The following GABRB1 variants were observed in gnomAD, a reference collection of about 807,000 sequenced individuals.
GABRB1 encodes the protein gamma-aminobutyric acid type A receptor subunit beta1, also known as gamma-aminobutyric acid receptor subunit beta-1.
Under a neutral mutation model 51.6 loss-of-function variants are expected in GABRB1, and 17 were observed. The ratio of observed to expected loss-of-function variants is 0.33; its 90% CI spans 0.23 to 0.49. The LOEUF (loss-of-function observed/expected upper bound fraction) is 0.49, where lower values mean the gene tolerates loss of function less well. Among genes scored for constraint, GABRB1 ranks in the 20% least tolerant of loss-of-function variants. GABRB1 has a pLI of 0.99. For synonymous variants in GABRB1, 247 were observed against 218.9 expected (o/e 1.13, Z -1.14); for missense variants, 410 against 600.6 (o/e 0.68, Z 3.32).
At chr4:47,127,957 A>C (rs989897910) in intron 3 of GABRB1, among the ~76,000 whole-genome samples, 10 of 151,402 alleles carry the variant, frequency 6.6e-5, no homozygotes, top group Non-Finnish European at 1.3e-4. Context: ...AAAAATAAAC[A>C]AAAAAAGAGA....
chr4:47,189,663 C>G (rs115579477), intron 4 of GABRB1, among the ~76,000 whole-genome samples: 1 of 151,840 alleles, frequency 6.6e-6, no homozygotes, highest in Admixed American at 6.6e-5. Context: ...CATTCCTAAA[C>G]AGAGGTTTTG....
At chr4:47,305,157 T>C (rs529003124) in intron 4 of GABRB1, among the ~76,000 whole-genome samples, 31 of 152,220 alleles carry the variant, frequency 2.0e-4, no homozygotes, top group South Asian at 4.1e-4. Context: ...ACCAGTGTTT[T>C]AGCCGCCTCT....
chr4:47,196,392 G>A (rs1719680292), intron 4 of GABRB1, among the ~76,000 whole-genome samples: 1 of 152,164 alleles, frequency 6.6e-6, no homozygotes, highest in South Asian at 2.1e-4. Context: ...GTTACTAGGG[G>A]CACCAGGGAG....
intron 4 of GABRB1, among the ~76,000 whole-genome samples, chr4:47,311,477 C>T (rs1237399410): frequency 9.6e-6 from 1 of 104,432 alleles, no homozygotes; most frequent in Non-Finnish European, 1.9e-5. Context: ...CCAATGTAAT[C>T]ACAAGGGTTC....
chr4:47,399,226 G>C (rs1044383888), intron 5 of GABRB1, among the ~76,000 whole-genome samples: 2 of 152,040 alleles, frequency 1.3e-5, no homozygotes, highest in Middle Eastern at 3.2e-3. Context: ...TTATAATGAA[G>C]TATATTACTA....
intron 3 of GABRB1, among the ~76,000 whole-genome samples, chr4:47,120,561 C>G (rs746928481): frequency 6.6e-6 from 1 of 152,142 alleles, no homozygotes; most frequent in Admixed American, 6.5e-5. Context: ...TCATAATCAC[C>G]ACAGCTGTGA....
intron 3 of GABRB1, among the ~76,000 whole-genome samples, chr4:47,076,315 G>T (rs1309869724): frequency 1.3e-5 from 2 of 152,198 alleles, no homozygotes; most frequent in Non-Finnish European, 2.9e-5. Flanking sequence ...GGTTCCCACT[G>T]CTTTGTCTCA....
intron 8 of GABRB1, among the ~76,000 whole-genome samples, chr4:47,413,644 G>A (rs114115234): frequency 0.011 from 1,655 of 152,206 alleles, 36 homozygotes; most frequent in African/African-American, 0.038. Flanking sequence ...TTCATTTGAG[G>A]GATTTCCTCA....
chr4:47,001,185 C>T (rs1315559274), intron 1 of GABRB1, among the ~76,000 whole-genome samples: 1 of 152,022 alleles, frequency 6.6e-6, no homozygotes, highest in African/African-American at 2.4e-5. Flanking sequence ...CTCTGTCGCC[C>T]AGGCTGGAGT....
intron 8 of GABRB1, among the ~76,000 whole-genome samples, chr4:47,416,892 A>C (rs1325535724): frequency 6.6e-6 from 1 of 152,204 alleles, no homozygotes; most frequent in Non-Finnish European, 1.5e-5. Context: ...CTTAAGATGC[A>C]AGAGGTGATG....
upstream of GABRB1, among the ~76,000 whole-genome samples, chr4:47,028,268 C>T (rs1482774089): frequency 6.6e-6 from 1 of 151,512 alleles, no homozygotes; most frequent in African/African-American, 2.4e-5. Flanking sequence ...GTGAAATAAG[C>T]ACATCATAAA....
At chr4:47,269,621 T>C (rs1387099311) in intron 4 of GABRB1, among the ~76,000 whole-genome samples, 1 of 152,092 alleles carries the variant, frequency 6.6e-6, no homozygotes, top group Non-Finnish European at 1.5e-5. Flanking sequence ...TCCTTTTCTC[T>C]TATATTCTTT....
chr4:47,187,300 A>C (rs1056775081), intron 4 of GABRB1, among the ~76,000 whole-genome samples: 1 of 151,900 alleles, frequency 6.6e-6, no homozygotes, highest in African/African-American at 2.4e-5. Flanking sequence ...CCACATTGGA[A>C]ATAGATGCAT....
chr4:47,229,963 G>C (rs914987284), intron 4 of GABRB1, among the ~76,000 whole-genome samples: 2 of 152,094 alleles, frequency 1.3e-5, no homozygotes, highest in African/African-American at 4.8e-5. Context: ...CAGATTTGTG[G>C]TAATTTGTTG....
At chr4:47,400,570 C>A (rs930986937) in intron 5 of GABRB1, among the ~76,000 whole-genome samples, 1 of 135,800 alleles carries the variant, frequency 7.4e-6, no homozygotes, top group African/African-American at 2.7e-5. Flanking sequence ...CCCAACCTGC[C>A]TTTTCTTCTC....
intron 4 of GABRB1, among the ~76,000 whole-genome samples, chr4:47,301,983 A>G (rs1454649085): frequency 6.6e-6 from 1 of 152,152 alleles, no homozygotes; most frequent in African/African-American, 2.4e-5. Context: ...AAAATCTTTC[A>G]CAATTTTTTT....
rs1034759947 is a variant in GABRB1 at position 47,198,373 on chromosome 4, G to A, written c.461+36904G>A. Reference sequence around the variant, plus strand: ...GCTTTGTAAATGGATAATGAATAAAGGGTAGAATAATTTTGAGAAACATGA... The same window carrying A: ...GCTTTGTAAATGGATAATGAATAAAAGGTAGAATAATTTTGAGAAACATGA... On this transcript the variant is annotated intron_variant, in intron 4 of 8. Transcript: ENST00000295454. 1.1e-4 allele frequency among the ~76,000 whole-genome samples: 17 copies of A among 152,280 alleles called. 1 individual carries two copies. The highest frequency in any genetic ancestry group is 7.2e-4 in the Admixed American group (11 of 15,292).
At chr4:47,152,991 A>T (rs1475595553) in intron 3 of GABRB1, among the ~76,000 whole-genome samples, 1 of 152,030 alleles carries the variant, frequency 6.6e-6, no homozygotes, top group African/African-American at 2.4e-5. Flanking sequence ...ATGCCAGTAA[A>T]GAAAAGTGGA....
Position 47,196,896 on chromosome 4 carries a change from G to A in GABRB1, c.461+35427G>A, listed in dbSNP as rs749178266. On this transcript the variant is annotated intron_variant, in intron 4 of 8. Coordinates refer to ENST00000295454, the MANE Select transcript of GABRB1 (RefSeq NM_000812.4). ...GCAGTCCTTTACTTTCTTGTCTGTC[G>A]CATTCACTAGAATGTCAGCTCCTTG... Among the ~76,000 whole-genome samples the A allele has an allele frequency of 5.9e-5, 9 of 152,128 alleles. No individual in the cohort carries two copies. The South Asian group carries it at 6.2e-4, about 11-fold the overall frequency.
Sources: gnomAD v4.1 joint callset for allele counts (sites outside exome capture counted in the v4.1 genomes callset) on GRCh38, gnomAD v4.1.1 for gene constraint, MANE v1.5 for transcripts, NCBI Gene and HGNC (gene_info 2026-07-23, HGNC 2026-07-21) for gene names.